NRG3: variants seen among roughly 807,000 people sequenced by gnomAD.
NRG3 encodes the protein neuregulin 3.
In NRG3, 31 loss-of-function variants were observed where a neutral mutation model predicts 66.9. The ratio of observed to expected loss-of-function variants is 0.46; its 90% CI spans 0.35 to 0.63. NRG3 has a LOEUF of 0.63. Among genes scored for constraint, NRG3 ranks in the 20% least tolerant of loss-of-function variants. The pLI is 0.00. For missense variants in NRG3, 910 were observed against 878.9 expected (o/e 1.04, Z -0.45); for synonymous variants, 393 against 359.4 (o/e 1.09, Z -1.06).
intron 1 of NRG3, among the ~76,000 whole-genome samples, chr10:81,932,741 A>G (rs1698875674): frequency 6.6e-6 from 1 of 152,090 alleles, no homozygotes; most frequent in Non-Finnish European, 1.5e-5. Context: ...GTTGTTTTTT[A>G]AGATAGTAGG....
chr10:81,891,390 A>G (rs1348774036), intron 1 of NRG3, among the ~76,000 whole-genome samples: 1 of 152,172 alleles, frequency 6.6e-6, no homozygotes, highest in South Asian at 2.1e-4. Context: ...GCGCACTTTA[A>G]GGTATTTAAG....
At chr10:82,778,550 G>A (rs781058289) in intron 3 of NRG3, among the ~76,000 whole-genome samples, 4 of 152,070 alleles carry the variant, frequency 2.6e-5, no homozygotes, top group Non-Finnish European at 5.9e-5. Context: ...TGGGGGAACC[G>A]CCCCTACGAT....
At chr10:82,408,633 T>TTATATATA (rs147352245) in intron 2 of NRG3, among the ~76,000 whole-genome samples, 5 of 122,814 alleles carry the variant, frequency 4.1e-5, no homozygotes, top group African/African-American at 1.1e-4. Flanking sequence ...CATATATATA[T>TTATATATA]TATATATATA....
chr10:81,883,920 C>T (rs991647792), intron 1 of NRG3, among the ~76,000 whole-genome samples: 6 of 152,126 alleles, frequency 3.9e-5, no homozygotes, highest in African/African-American at 1.4e-4. Context: ...ATAATAAAAA[C>T]GACAGCTGCC....
chr10:82,956,823 T>C (rs1292787990), intron 5 of NRG3, among the ~76,000 whole-genome samples: 1 of 151,872 alleles, frequency 6.6e-6, no homozygotes, highest in Non-Finnish European at 1.5e-5. Flanking sequence ...AATGCTGATA[T>C]GATAGATTTA....
intron 1 of NRG3, among the ~76,000 whole-genome samples, chr10:82,096,508 CA>C (rs1015162181): frequency 2.0e-5 from 3 of 151,118 alleles, no homozygotes; most frequent in Admixed American, 6.6e-5. Flanking sequence ...ACAACAACCA[CA>C]AAAAAAACAT....
chr10:82,625,248 T>A (rs951955398), intron 2 of NRG3, among the ~76,000 whole-genome samples: 1 of 152,068 alleles, frequency 6.6e-6, no homozygotes, highest in African/African-American at 2.4e-5. Flanking sequence ...TGTATGATAT[T>A]TAAACATAGC....
chr10:82,541,612 A>G (rs1339651555), intron 2 of NRG3, among the ~76,000 whole-genome samples: 1 of 152,236 alleles, frequency 6.6e-6, no homozygotes, highest in Non-Finnish European at 1.5e-5. Flanking sequence ...TATAGATAAC[A>G]TAACCAGTTA....
intron 2 of NRG3, among the ~76,000 whole-genome samples, chr10:82,586,133 A>G (rs2046652122): frequency 6.6e-6 from 1 of 152,058 alleles, no homozygotes; most frequent in African/African-American, 2.4e-5. Flanking sequence ...CATGCTCACT[A>G]TCTGGGTGAC....
chr10:82,666,278 G>A (rs1448276857), intron 2 of NRG3, among the ~76,000 whole-genome samples: 1 of 152,136 alleles, frequency 6.6e-6, no homozygotes, highest in South Asian at 2.1e-4. Flanking sequence ...ATGTGAGCAA[G>A]TCTTCAAACC....
chr10:82,748,239 A>G (rs1392935995), intron 3 of NRG3, among the ~76,000 whole-genome samples: 1 of 151,800 alleles, frequency 6.6e-6, no homozygotes, highest in Non-Finnish European at 1.5e-5. Context: ...TTTGAACTTG[A>G]TTACATATGC....
intron 1 of NRG3, among the ~76,000 whole-genome samples, chr10:82,268,350 A>C (rs181093581): frequency 2.6e-5 from 4 of 152,104 alleles, no homozygotes; most frequent in Non-Finnish European, 5.9e-5. Flanking sequence ...TGGACCCCAA[A>C]CCCAGTGTGG....
intron 2 of NRG3, among the ~76,000 whole-genome samples, chr10:82,413,254 G>A (rs563397135): frequency 1.3e-5 from 2 of 152,156 alleles, no homozygotes; most frequent in African/African-American, 4.8e-5. Flanking sequence ...TCCATGGGCT[G>A]TGGAATGGAT....
intron 1 of NRG3, among the ~76,000 whole-genome samples, chr10:81,941,149 C>A (rs902487152): frequency 6.6e-6 from 1 of 152,120 alleles, no homozygotes; most frequent in South Asian, 2.1e-4. Context: ...ACAGCATGCA[C>A]AAGAGACAAT....
At chr10:82,845,085 G>A (rs545415999) in intron 3 of NRG3, among the ~76,000 whole-genome samples, 18 of 152,288 alleles carry the variant, frequency 1.2e-4, no homozygotes, top group East Asian at 1.9e-4. Context: ...AACCCGGGAC[G>A]CAGAGGTTGC....
At chr10:82,840,155 T>C (rs556326432) in intron 3 of NRG3, among the ~76,000 whole-genome samples, 26 of 152,290 alleles carry the variant, frequency 1.7e-4, no homozygotes, top group African/African-American at 6.0e-4. Flanking sequence ...TTGATAAATT[T>C]TTCTGGGCCA....
At chr10:82,747,321 G>A (rs2058685988) in intron 3 of NRG3, among the ~76,000 whole-genome samples, 2 of 151,504 alleles carry the variant, frequency 1.3e-5, no homozygotes, top group Admixed American at 6.6e-5. Flanking sequence ...TTCCAATTTT[G>A]CCTGCTTACA....
chr10:82,855,144 A>G (rs1470794855), intron 3 of NRG3, among the ~76,000 whole-genome samples: 1 of 152,182 alleles, frequency 6.6e-6, no homozygotes, highest in African/African-American at 2.4e-5. Context: ...GTTTCTTAAA[A>G]TATGTCCATC....
chr10:82,652,174 C>T (rs74146150), intron 2 of NRG3, among the ~76,000 whole-genome samples: 13,966 of 152,174 alleles, frequency 0.092, 761 homozygotes, highest in East Asian at 0.23. Context: ...GGAGTGAACT[C>T]CATTGTGGGC....
Sources: gnomAD v4.1 joint callset for allele counts (sites outside exome capture counted in the v4.1 genomes callset) on GRCh38, gnomAD v4.1.1 for gene constraint, MANE v1.5 for transcripts, NCBI Gene and HGNC (gene_info 2026-07-23, HGNC 2026-07-21) for gene names.